The following SKIC2 variants were observed in gnomAD, a reference collection of about 807,000 sequenced individuals.
SKIC2 encodes superkiller complex protein 2.
the SKIC2 span, chr6:31,966,995 C>T: frequency 6.2e-7 from 1 of 1,612,966 alleles, no homozygotes; most frequent in Non-Finnish European, 8.5e-7. The surrounding 1 kb of genome is among the most constrained non-coding windows in gnomAD (Gnocchi z 5.9). Flanking sequence ...TCCCCTGCTC[C>T]CACCCAAGGC....
chr6:31,964,476 TGGGTTTGAATCCCA>T, the SKIC2 span: 1 of 673,564 alleles, frequency 1.5e-6, no homozygotes. The surrounding 1 kb of genome is among the most constrained non-coding windows in gnomAD (Gnocchi z 5.0). Flanking sequence ...TCAGACTACC[TGGGTTTGAATCCCA>T]GGTACACCAT....
chr6:31,959,204 A>G, the SKIC2 span: 1 of 1,609,480 alleles, frequency 6.2e-7, no homozygotes, highest in East Asian at 2.2e-5. Context: ...TGATGGAGAC[A>G]GAGCGACTTG....
At chr6:31,969,685 C>G in the SKIC2 span, 2 of 1,603,372 alleles carry the variant, frequency 1.2e-6, no homozygotes, top group Non-Finnish European at 1.7e-6. The surrounding 1 kb of genome is among the most constrained non-coding windows in gnomAD (Gnocchi z 6.1). Context: ...GGCGGGACAT[C>G]GTATTTGCGG....
At chr6:31,967,153 T>C in the SKIC2 span, 1 of 1,608,450 alleles carries the variant, frequency 6.2e-7, no homozygotes, top group Non-Finnish European at 8.5e-7. This position sits in a 1 kb window ranked among gnomAD's most constrained non-coding sequence, Gnocchi z 4.9. Context: ...TGAGCAAGTG[T>C]GAGTGCTGAG....
chr6:31,964,381 G>T, the SKIC2 span: 1 of 1,531,672 alleles, frequency 6.5e-7, no homozygotes, highest in Non-Finnish European at 9.0e-7. This position sits in a 1 kb window ranked among gnomAD's most constrained non-coding sequence, Gnocchi z 5.0. Context: ...CAGGGTGCTT[G>T]TTGCCCACTT....
At chr6:31,960,726 T>G in the SKIC2 span, 1 of 1,564,810 alleles carries the variant, frequency 6.4e-7, no homozygotes. Context: ...GAGGAGGAGA[T>G]AGACTTTGAG....
chr6:31,966,306 A>G, the SKIC2 span, among the ~76,000 whole-genome samples: 95 of 149,162 alleles, frequency 6.4e-4, 1 homozygote, highest in African/African-American at 1.5e-3. This position sits in a 1 kb window ranked among gnomAD's most constrained non-coding sequence, Gnocchi z 5.9. Flanking sequence ...AGGTTTTGCT[A>G]TGTTGCACAG....
At chr6:31,961,294 C>A in the SKIC2 span, 12 of 1,606,638 alleles carry the variant, frequency 7.5e-6, no homozygotes, top group African/African-American at 1.5e-4. Context: ...GGCAGTGGGA[C>A]AGCCAGGAGG....
the SKIC2 span, chr6:31,969,679 G>A: frequency 6.2e-7 from 1 of 1,605,670 alleles, no homozygotes; most frequent in Non-Finnish European, 8.5e-7. This position sits in a 1 kb window ranked among gnomAD's most constrained non-coding sequence, Gnocchi z 6.1. Flanking sequence ...TGCTACGGCG[G>A]GACATCGTAT....
chr6:31,965,949 G>T, the SKIC2 span: 1 of 1,612,806 alleles, frequency 6.2e-7, no homozygotes, highest in African/African-American at 1.3e-5. The surrounding 1 kb of genome is among the most constrained non-coding windows in gnomAD (Gnocchi z 5.6). Context: ...GACCCCACAG[G>T]CACCGTTATC....
chr6:31,968,789 G>C, the SKIC2 span: 2 of 1,608,486 alleles, frequency 1.2e-6, no homozygotes, highest in Non-Finnish European at 8.5e-7. This position sits in a 1 kb window ranked among gnomAD's most constrained non-coding sequence, Gnocchi z 6.1. Context: ...TACCATCAGC[G>C]AGTAGAGGTG....
the SKIC2 span, chr6:31,967,493 G>T: frequency 1.2e-6 from 1 of 840,648 alleles, no homozygotes; most frequent in South Asian, 1.5e-5. This position sits in a 1 kb window ranked among gnomAD's most constrained non-coding sequence, Gnocchi z 4.9. Flanking sequence ...TTCCCCTCTT[G>T]CCCTCCTTTT....
chr6:31,961,331 C>G, the SKIC2 span: 6 of 1,588,800 alleles, frequency 3.8e-6, no homozygotes, highest in Non-Finnish European at 5.1e-6. Flanking sequence ...GTTTCAGCCT[C>G]TCCCTGCAGT....
the SKIC2 span, chr6:31,965,983 C>G: frequency 1.2e-6 from 2 of 1,607,458 alleles, no homozygotes; most frequent in Non-Finnish European, 1.7e-6. This position sits in a 1 kb window ranked among gnomAD's most constrained non-coding sequence, Gnocchi z 5.6. Context: ...GCCGAGTGCC[C>G]GAGATGGCAG....
the SKIC2 span, chr6:31,960,232 G>A: frequency 1.2e-6 from 2 of 1,613,016 alleles, no homozygotes; most frequent in Non-Finnish European, 1.7e-6. Flanking sequence ...AATGGCAGAG[G>A]AAGACGGATC....
chr6:31,964,399 GC>G, the SKIC2 span: 2 of 1,356,266 alleles, frequency 1.5e-6, no homozygotes, highest in Non-Finnish European at 2.1e-6. The surrounding 1 kb of genome is among the most constrained non-coding windows in gnomAD (Gnocchi z 5.0). Flanking sequence ...CTTAGGGGCT[GC>G]CCAGAGGGCA....
At chr6:31,961,667 G>A in the SKIC2 span, 1 of 1,612,188 alleles carries the variant, frequency 6.2e-7, no homozygotes, top group Non-Finnish European at 8.5e-7. Context: ...TCCCCAGCCA[G>A]CCTTCCAGGT....
chr6:31,964,186 G>T, the SKIC2 span: 1 of 1,608,988 alleles, frequency 6.2e-7, no homozygotes, highest in African/African-American at 1.3e-5. The surrounding 1 kb of genome is among the most constrained non-coding windows in gnomAD (Gnocchi z 5.0). Context: ...TGGGGATAGG[G>T]TGTTCCGAGA....
chr6:31,966,741 C>T, the SKIC2 span: 3 of 1,614,154 alleles, frequency 1.9e-6, no homozygotes, highest in South Asian at 3.3e-5. This position sits in a 1 kb window ranked among gnomAD's most constrained non-coding sequence, Gnocchi z 5.9. Context: ...CCCAGTTCCG[C>T]CTCACGTACA....
Sources: gnomAD v4.1 joint callset for allele counts (sites outside exome capture counted in the v4.1 genomes callset) on GRCh38, gnomAD v4.1.1 for gene constraint, Gnocchi (gnomAD v3.1) non-coding constraint, MANE v1.5 for transcripts, NCBI Gene and HGNC (gene_info 2026-07-23, HGNC 2026-07-21) for gene names.